The following VPS13A variants were observed in gnomAD, a reference collection of about 807,000 sequenced individuals.
The protein encoded by VPS13A is vacuolar protein sorting 13 homolog A, also known as intermembrane lipid transfer protein VPS13A.
In VPS13A, 264 loss-of-function variants were observed where a neutral mutation model predicts 390.9. The ratio of observed to expected loss-of-function variants is 0.68; its 90% CI spans 0.61 to 0.75. The LOEUF is 0.75. VPS13A is among the 30% of genes least tolerant of loss of function. VPS13A has a pLI of 0.00. For synonymous variants in VPS13A, 1,231 were observed against 1,227.1 expected, an observed-to-expected ratio of 1.00 and a Z score of -0.07; for missense variants, 3,409 against 3,733.9, an observed-to-expected ratio of 0.91 and a Z score of 2.27.
intron 55 of VPS13A, 124 bp downstream of exon 55, chr9:77,356,991 C>T (rs1831827226): frequency 9.3e-7 from 1 of 1,078,172 alleles, no homozygotes; most frequent in East Asian, 2.6e-5. Context: ...TCATACATAC[C>T]TTGTATAAAA....
chr9:77,414,074 A>C (rs1431689536), intron 71 of VPS13A, among the ~76,000 whole-genome samples: 1 of 152,206 alleles, frequency 6.6e-6, no homozygotes, highest in Non-Finnish European at 1.5e-5. Flanking sequence ...GTGATCATTA[A>C]AAAGTCAGGA....
At chr9:77,229,263 A>G (rs2131204321) in intron 17 of VPS13A, among the ~76,000 whole-genome samples, 1 of 151,720 alleles carries the variant, frequency 6.6e-6, no homozygotes, top group East Asian at 1.9e-4. Flanking sequence ...GAATTTTTGT[A>G]GAGATGGGGT....
intron 23 of VPS13A, among the ~76,000 whole-genome samples, chr9:77,266,456 T>A (rs555248526): frequency 1.3e-5 from 2 of 152,104 alleles, no homozygotes; most frequent in East Asian, 3.9e-4. Context: ...CTTAAGAACT[T>A]GCTTTATTCT....
chr9:77,382,153 A>G, intron 68 of VPS13A, 66 bp downstream of exon 68: 1 of 1,377,976 alleles, frequency 7.3e-7, no homozygotes, highest in Non-Finnish European at 9.9e-7. Flanking sequence ...TTAAGTAGCC[A>G]TTTAATATAT....
At position 77,377,677 on chromosome 9, in the gene VPS13A, G is replaced by C. The variant is rs113335618; in HGVS notation, c.9078-4299G>C. Among the ~76,000 whole-genome samples the C allele has an allele frequency of 3.3e-4, 50 of 152,094 alleles. 1 individual carries two copies. The highest frequency in any genetic ancestry group is 1.1e-3 in the African/African-American group (47 of 41,444). ...TAAGAGTATATCATCTGAGAACTGA[G>C]GTAACTTTACTTCTTCCTTTCTGAT... On this transcript the variant is annotated intron_variant, in intron 67 of 71. Transcript: ENST00000360280.
chr9:77,284,254 G>A (rs1166095338), intron 31 of VPS13A, among the ~76,000 whole-genome samples: 1 of 152,118 alleles, frequency 6.6e-6, no homozygotes, highest in Non-Finnish European at 1.5e-5. Context: ...GAGGTTAAAG[G>A]AATATCAGAT....
chr9:77,282,078 A>C, intron 28 of VPS13A, 43 bp from the exon 29 acceptor site: 1 of 1,600,694 alleles, frequency 6.2e-7, no homozygotes. Flanking sequence ...GCTGGCAAGC[A>C]AATATTTATT....
At chr9:77,372,822 G>C (rs1402072648) in intron 67 of VPS13A, among the ~76,000 whole-genome samples, 1 of 152,216 alleles carries the variant, frequency 6.6e-6, no homozygotes, top group Non-Finnish European at 1.5e-5. Context: ...AAAATCACAA[G>C]CATTCTTATA....
At position 77,282,188 on chromosome 9, in the gene VPS13A, A is replaced by G. The variant is rs540411075; in HGVS notation, c.3032A>G (p.His1011Arg). 3 of 1,613,582 alleles carry G rather than the reference A, an allele frequency of 1.9e-6. No individual in the cohort carries two copies. The South Asian group carries it at 3.3e-5, about 18-fold the overall frequency. ...EALLNTINYLHNILPQSEEKS... is the reference protein window; with the variant it reads ...EALLNTINYLRNILPQSEEKS... ...CTTCTGAATACAATAAATTATCTTC[A>G]TAATATCCTTCCGCAATCAGAGGAA... Residue 1011 changes from histidine (H) to arginine (R), a missense_variant, in exon 29 of 72, where the codon CAT becomes CGT. His to Arg is a conservative substitution (Grantham distance 29, BLOSUM62 0). Transcript: ENST00000360280.
chr9:77,177,893 G>A, intron 1 of VPS13A, 89 bp downstream of exon 1: 3 of 1,241,912 alleles, frequency 2.4e-6, no homozygotes, highest in Non-Finnish European at 2.3e-6. Context: ...TCGGGGCTTC[G>A]AGCACCTTGC....
chr9:77,402,741 C>T (rs980227862), intron 68 of VPS13A, among the ~76,000 whole-genome samples: 2 of 152,112 alleles, frequency 1.3e-5, no homozygotes, highest in South Asian at 4.1e-4. Context: ...CCTGTTTGTC[C>T]AGAAACTCTC....
intron 19 of VPS13A, among the ~76,000 whole-genome samples, chr9:77,241,627 A>C (rs909054502): frequency 3.9e-5 from 6 of 151,992 alleles, no homozygotes; most frequent in Non-Finnish European, 8.8e-5. Context: ...TTTTAATTGT[A>C]ATCTGCTCAT....
At chr9:77,314,705 T>C (rs1564720520) in intron 37 of VPS13A, 41 bp downstream of exon 37, 1 of 1,583,256 alleles carries the variant, frequency 6.3e-7, no homozygotes, top group East Asian at 2.2e-5. Flanking sequence ...ACTTGAGAAA[T>C]CGTTGATATA....
chr9:77,235,621 G>A (rs1273486793), intron 17 of VPS13A, among the ~76,000 whole-genome samples: 1 of 152,158 alleles, frequency 6.6e-6, no homozygotes, highest in Non-Finnish European at 1.5e-5. Flanking sequence ...ATTTCTCCCA[G>A]TATTTTTAAT....
At chr9:77,403,792 A>G (rs1834483979) in intron 69 of VPS13A, among the ~76,000 whole-genome samples, 1 of 152,254 alleles carries the variant, frequency 6.6e-6, no homozygotes, top group Admixed American at 6.5e-5. Context: ...ATGTAAAAAT[A>G]CACAGGGGCA....
Position 77,177,548 on chromosome 9 carries a change from C to G in VPS13A, c.-157C>G, listed in dbSNP as rs909644265. 4 of 679,506 alleles carry G rather than the reference C, an allele frequency of 5.9e-6. No individual in the cohort carries two copies. The highest frequency in any genetic ancestry group is 4.4e-5 in the Admixed American group (2 of 45,212). The allele number at this position is 679,506 out of a possible 1,614,324, so 42.1% of individuals were successfully genotyped here. A position where few individuals can be genotyped will look rare whatever the true frequency, so the allele number is the denominator to read the frequency against. ...TGAGAGCGACCGCCTCCGTCTCTCG[C>G]TGGGCTCGCTAGGGCTGCGCGTTGG... On this transcript the variant is annotated 5_prime_UTR_variant, in exon 1 of 72. Transcript: ENST00000360280.
At chr9:77,257,040 T>C (rs1436558633) in intron 22 of VPS13A, among the ~76,000 whole-genome samples, 1 of 152,190 alleles carries the variant, frequency 6.6e-6, no homozygotes, top group African/African-American at 2.4e-5. Context: ...TGTTATTTGC[T>C]TTCTGTATGT....
chr9:77,235,195 T>C (rs1485355420), intron 17 of VPS13A, among the ~76,000 whole-genome samples: 1 of 152,222 alleles, frequency 6.6e-6, no homozygotes, highest in African/African-American at 2.4e-5. Context: ...CATTGCAGTC[T>C]TTAGGACTTC....
At chr9:77,314,445 C>A in intron 36 of VPS13A, 50 bp from the exon 37 acceptor site, 1 of 1,553,806 alleles carries the variant, frequency 6.4e-7, no homozygotes, top group Non-Finnish European at 8.8e-7. Flanking sequence ...ATGAAATACA[C>A]TTTAGACTTG....
Sources: gnomAD v4.1 joint callset for allele counts (sites outside exome capture counted in the v4.1 genomes callset) on GRCh38, gnomAD v4.1.1 for gene constraint, MANE v1.5 for transcripts, NCBI Gene and HGNC (gene_info 2026-07-23, HGNC 2026-07-21) for gene names.